Variants in RSPH14 observed in about 807,000 individuals in gnomAD.
RSPH14 encodes rhabdoid tumor deletion region gene 1.
RSPH14 carries 20 observed loss-of-function variants against 26.7 expected under a neutral mutation model. That is an observed-to-expected ratio of 0.75 (90% CI 0.53 to 1.09). RSPH14 has a LOEUF of 1.09. RSPH14 is among the 50% of genes least tolerant of loss of function. The pLI, the probability that RSPH14 is intolerant of heterozygous loss-of-function variation, is 0.00. For missense variants in RSPH14, 449 were observed against 457.2 expected, an observed-to-expected ratio of 0.98 and a Z score of 0.16; for synonymous variants, 177 against 189.3, an observed-to-expected ratio of 0.93 and a Z score of 0.53.
the RSPH14 span, chr22:23,162,834 A>G: frequency 1.4e-5 from 6 of 437,548 alleles, no homozygotes; most frequent in African/African-American, 1.2e-4. Flanking sequence ...ATTGCCAAAT[A>G]CCAGTTAGGG....
chr22:23,163,750 C>T, the RSPH14 span: 1 of 152,174 alleles, frequency 6.6e-6, no homozygotes, highest in East Asian at 1.9e-4. Flanking sequence ...GACTCTGTGC[C>T]TTTGCCTGCA....
Position 23,138,873 on chromosome 22 carries a change from A to G in RSPH14, c.269T>C (p.Val90Ala). The change falls in exon 3 of 7, where the codon GTG becomes GCG. Residue 90 changes from valine (V) to alanine (A), a missense_variant. Transcript: ENST00000216036. ...NSMVRIKTTE[V>A]LHITASHSVG... is the part of the protein sequence containing the mutation. ...GCTATGGCTTGCCGTGATGTGGAGC[A>G]CCTCGGTGGTCTTTATGCGCACCAT... 2 of 1,549,786 alleles carry G rather than the reference A, an allele frequency of 1.3e-6. No homozygotes were observed. The highest frequency in any genetic ancestry group is 2.4e-5 in the South Asian group (2 of 83,960).
At chr22:23,064,477 G>A (rs2068161980) in intron 4 of RSPH14, among the ~76,000 whole-genome samples, 1 of 152,172 alleles carries the variant, frequency 6.6e-6, no homozygotes, top group Non-Finnish European at 1.5e-5. Context: ...GCTCACTCCT[G>A]CAGGGCCCAG....
At position 23,073,377 on chromosome 22, in the gene RSPH14, G is replaced by A. The variant is rs1053357095; in HGVS notation, c.422-9244C>T. 3.9e-4 allele frequency among the ~76,000 whole-genome samples: 59 copies of A among 152,200 alleles called. 1 individual carries two copies. Among genetic ancestry groups the A allele is most frequent in the Admixed American group, 3.5e-3 (54 of 15,284 alleles). On this transcript the variant is annotated intron_variant, in intron 4 of 6. Coordinates refer to ENST00000216036, the MANE Select transcript of RSPH14 (RefSeq NM_014433.3). ...AATCCCAGAGCAGAGGCTATGCTGC[G>A]GCCTGGGCAGAATGAAGAGGGACGT...
chr22:23,114,698 G>A (rs538260297), intron 4 of RSPH14, among the ~76,000 whole-genome samples: 1 of 152,356 alleles, frequency 6.6e-6, no homozygotes, highest in African/African-American at 2.4e-5. Context: ...CATATTCTGT[G>A]TGTGTGTGGT....
At chr22:23,130,107 GAAAGAAA>G (rs2070301397) in intron 4 of RSPH14, among the ~76,000 whole-genome samples, 2 of 86,072 alleles carry the variant, frequency 2.3e-5, no homozygotes, top group African/African-American at 7.7e-5. Flanking sequence ...AAGAAAGAAA[GAAAGAAA>G]GAAAGAAAGA....
At chr22:23,153,070 A>T in the RSPH14 span, 1 of 1,614,144 alleles carries the variant, frequency 6.2e-7, no homozygotes, top group Non-Finnish European at 8.5e-7. Context: ...CTACAAGGCC[A>T]CCATTGGGGT....
chr22:23,152,959 G>C, the RSPH14 span: 1 of 1,054,030 alleles, frequency 9.5e-7, no homozygotes, highest in Non-Finnish European at 1.5e-6. Flanking sequence ...CTAAAGACTT[G>C]CAGTGTTACA....
chr22:23,059,815 G>T, intron 6 of RSPH14, 97 bp from the exon 7 acceptor site: 1 of 1,309,102 alleles, frequency 7.6e-7, no homozygotes, highest in Non-Finnish European at 1.0e-6. Context: ...TCCTTGTGCA[G>T]TCTCAAGGGG....
chr22:23,167,510 G>A, the RSPH14 span, among the ~76,000 whole-genome samples: 1 of 152,108 alleles, frequency 6.6e-6, no homozygotes, highest in South Asian at 2.1e-4. Flanking sequence ...GAGGCCAGCA[G>A]GATCCATTCG....
chr22:23,078,891 C>T (rs767585066), intron 4 of RSPH14, among the ~76,000 whole-genome samples: 5 of 152,198 alleles, frequency 3.3e-5, no homozygotes, highest in South Asian at 2.1e-4. Context: ...GCATCAGGAT[C>T]GGCCAAGTCC....
intron 3 of RSPH14, among the ~76,000 whole-genome samples, chr22:23,134,399 C>T (rs563335877): frequency 2.0e-5 from 3 of 152,148 alleles, no homozygotes; most frequent in Admixed American, 1.3e-4. Flanking sequence ...CATCTATGTA[C>T]ACCAGTTATG....
At chr22:23,164,707 C>T in the RSPH14 span, among the ~76,000 whole-genome samples, 9 of 152,298 alleles carry the variant, frequency 5.9e-5, no homozygotes, top group Admixed American at 1.3e-4. Flanking sequence ...GCTGCCGAAA[C>T]GCCTTTTTCC....
rs1010010129 is a variant in RSPH14 at position 23,096,140 on chromosome 22, C to T, written c.422-32007G>A. 8.7e-6 allele frequency: 14 copies of T among 1,612,630 alleles called. No individual in the cohort carries two copies. The African/African-American group carries it at 1.7e-4, about 20-fold the overall frequency. On this transcript the variant is annotated intron_variant, in intron 4 of 6. Transcript: ENST00000216036. Reference sequence around the variant, plus strand: ...CTTCAGCCGCTCCAGCGAGTACCACCTGGAGGACAACGCGGCCTACTACCT... The same window carrying T: ...CTTCAGCCGCTCCAGCGAGTACCACTTGGAGGACAACGCGGCCTACTACCT...
At chr22:23,093,329 C>T (rs1272932076) in intron 4 of RSPH14, among the ~76,000 whole-genome samples, 2 of 152,200 alleles carry the variant, frequency 1.3e-5, no homozygotes, top group African/African-American at 2.4e-5. Flanking sequence ...GTTCCTCAGC[C>T]TCTCCATTGA....
intron 4 of RSPH14, among the ~76,000 whole-genome samples, chr22:23,086,046 C>T (rs2068811035): frequency 6.6e-6 from 1 of 152,274 alleles, no homozygotes; most frequent in Non-Finnish European, 1.5e-5. Flanking sequence ...AGCGGTTCCT[C>T]TACACTGTTT....
rs544332778 is a variant in RSPH14, at chr22:23,059,648, T to C, written c.861A>G (p.Ile287Met). 58 of 1,604,664 alleles carry C rather than the reference T, an allele frequency of 3.6e-5. 1 individual carries two copies. In the Middle Eastern group the frequency reaches 1.2e-3, roughly 33 times the overall value. The change falls in exon 7 of 7, where the codon ATA becomes ATG. Residue 287 changes from isoleucine to methionine, a missense_variant. Transcript: ENST00000216036. ...LLELLHSPMT[I>M]ARLNATKALT... ...GGGCCTTGGTGGCATTCAGGCGCGC[T>C]ATGGTCATGGGGGAGTGCAGCAGCT...
intron 4 of RSPH14, among the ~76,000 whole-genome samples, chr22:23,120,923 G>T (rs2070006839): frequency 6.6e-6 from 1 of 152,168 alleles, no homozygotes; most frequent in Admixed American, 6.5e-5. Context: ...TGCAAAATTT[G>T]GGGTCAGAAG....
At chr22:23,075,575 ACT>A in intron 4 of RSPH14, among the ~76,000 whole-genome samples, 1 of 152,196 alleles carries the variant, frequency 6.6e-6, no homozygotes, top group East Asian at 1.9e-4. Context: ...TTAAGGTATA[ACT>A]CTCTTTTAGA....
Sources: allele counts gnomAD v4.1 joint callset (sites outside exome capture counted in the v4.1 genomes callset), GRCh38; gene constraint gnomAD v4.1.1; transcripts MANE v1.5; gene names NCBI Gene and HGNC (gene_info 2026-07-23, HGNC 2026-07-21).